The following SLC2A7 variants were observed in gnomAD, a reference collection of about 807,000 sequenced individuals.
SLC2A7 encodes solute carrier family 2 member 7.
In SLC2A7, 50 loss-of-function variants were observed where a neutral mutation model predicts 50.5. The ratio of observed to expected loss-of-function variants is 0.99; its 90% CI spans 0.79 to 1.25. The LOEUF is 1.25. Among genes scored for constraint, SLC2A7 ranks in the 50% most tolerant of loss-of-function variants. The probability of loss-of-function intolerance (pLI) is 0.00; values close to 1 mark genes in which losing one functional copy is unlikely to be tolerated. For synonymous variants in SLC2A7, 308 were observed against 300.4 expected, an observed-to-expected ratio of 1.03 and a Z score of -0.26; for missense variants, 683 against 679.1, an observed-to-expected ratio of 1.01 and a Z score of -0.06.
At chr1:9,012,908 GAC>G (rs1466485024) in intron 8 of SLC2A7, among the ~76,000 whole-genome samples, 2 of 152,088 alleles carry the variant, frequency 1.3e-5, no homozygotes, top group Non-Finnish European at 2.9e-5. Flanking sequence ...TTGTTTTTGA[GAC>G]AGAGTCTCAC....
intron 10 of SLC2A7, among the ~76,000 whole-genome samples, chr1:9,005,781 CAAAAA>C (rs75636224): frequency 2.3e-5 from 1 of 42,634 alleles, no homozygotes; most frequent in African/African-American, 6.9e-5. Flanking sequence ...GACTCCAACT[CAAAAA>C]AAAAAAAAAA....
chr1:9,016,376 A>T lies in SLC2A7; in HGVS notation c.590-1134T>A, dbSNP rs185112885. Reference sequence around the variant, plus strand: ...TCCCTTCACTTTGGGAGGCGGAGGCAGGAGGATTACTTGAGCCCAGGAGTT... The same window carrying T: ...TCCCTTCACTTTGGGAGGCGGAGGCTGGAGGATTACTTGAGCCCAGGAGTT... On this transcript the variant is annotated intron_variant, in intron 5 of 11. Coordinates refer to ENST00000400906, the MANE Select transcript of SLC2A7 (RefSeq NM_207420.3). 2.6e-5 allele frequency among the ~76,000 whole-genome samples: 4 copies of T among 152,312 alleles called. No homozygotes were observed. The East Asian group carries it at 7.7e-4, about 29-fold the overall frequency.
chr1:9,019,416 G>A, intron 3 of SLC2A7, 83 bp from the exon 4 acceptor site: 11 of 1,570,662 alleles, frequency 7.0e-6, no homozygotes, highest in Non-Finnish European at 9.5e-6. Context: ...TCTGCGGGCA[G>A]TCACTACAGA....
chr1:9,025,415 C>T (rs1299266493), intron 1 of SLC2A7, among the ~76,000 whole-genome samples: 1 of 152,178 alleles, frequency 6.6e-6, no homozygotes. Flanking sequence ...GGGGAGCCCA[C>T]CCCGTCCAAG....
In SLC2A7 at chr1:9,026,361, A is replaced by T; in HGVS notation, c.-16T>A. The stretch of plus-strand genomic sequence containing the variant: ...TGTTCTCCATCCTTGTTCAGGTGGG[A>T]GAACAGGTGTGCTCTACCTCCCAAG... On this transcript the variant is annotated 5_prime_UTR_variant, in exon 1 of 12. Transcript: ENST00000400906. The T allele has an allele frequency of 6.3e-7, 1 of 1,597,702 alleles. No individual in the cohort carries two copies. Among genetic ancestry groups the T allele is most frequent in the Non-Finnish European group, 8.5e-7 (1 of 1,171,132 alleles).
At chr1:9,011,569 G>A (rs1328353283) in intron 8 of SLC2A7, among the ~76,000 whole-genome samples, 1 of 151,848 alleles carries the variant, frequency 6.6e-6, no homozygotes. Context: ...TCGACATTGA[G>A]GCCATCTGGA....
chr1:8,992,746 T>C, the SLC2A7 span, among the ~76,000 whole-genome samples: 1 of 152,116 alleles, frequency 6.6e-6, no homozygotes, highest in African/African-American at 2.4e-5. Flanking sequence ...ATCCAGAGTG[T>C]GGCATCAGAA....
chr1:8,994,666 G>C, the SLC2A7 span, among the ~76,000 whole-genome samples: 1 of 152,160 alleles, frequency 6.6e-6, no homozygotes, highest in Non-Finnish European at 1.5e-5. Flanking sequence ...CAACTGCCTA[G>C]GAAAGAAATC....
Position 9,014,855 on chromosome 1 carries a change from C to T in SLC2A7, c.729G>A (p.Leu243=). Residue 243 remains leucine (L), a synonymous_variant, in exon 7 of 12, where the codon CTG becomes CTA. Transcript: ENST00000400906. ...CGGCCTCCATGTCCGTGTGGCCTCT[C>T]AGCCTCCTCAGAGCTGCGGAAAGCA... ...EATARQALRR[L]RGHTDMEAEL... is the part of the protein sequence containing the mutation. The T allele has an allele frequency of 6.2e-7, 1 of 1,601,272 alleles. No individual in the cohort carries two copies. Among genetic ancestry groups the T allele is most frequent in the African/African-American group, 1.3e-5 (1 of 74,814 alleles).
chr1:9,001,162 C>T (rs1640567539), downstream of SLC2A7, among the ~76,000 whole-genome samples: 1 of 152,114 alleles, frequency 6.6e-6, no homozygotes. Flanking sequence ...GTGAGAGGAC[C>T]TCCCGCTGGA....
downstream of SLC2A7, among the ~76,000 whole-genome samples, chr1:9,001,436 T>G (rs555207582): frequency 6.6e-6 from 1 of 151,236 alleles, no homozygotes; most frequent in South Asian, 2.1e-4. Context: ...TTTTTTTTTT[T>G]TTTTAGACAG....
At chr1:9,004,685 G>A (rs564393386) in intron 11 of SLC2A7, 67 bp downstream of exon 11, 8 of 1,576,366 alleles carry the variant, frequency 5.1e-6, no homozygotes, top group South Asian at 2.3e-5. Flanking sequence ...TGTGCTTAGC[G>A]GAAGGGGAAT....
In SLC2A7 at chr1:9,003,405, G is replaced by T. The variant is rs1241220692; in HGVS notation, c.1434C>A (p.Asn478Lys). ...CCCTGTTTCTCTTGGCAAAAATGCG[G>T]TTTATCTCCACAAATGTTTTGCCCT... ...ETKGKTFVEINRIFAKRNRVK... is the reference protein window; with the variant it reads ...ETKGKTFVEIKRIFAKRNRVK... The change falls in exon 12 of 12, where the codon AAC becomes AAA. Residue 478 changes from asparagine (N) to lysine (K), a missense_variant. Asn to Lys is a moderately conservative substitution (Grantham distance 94). Transcript: ENST00000400906. 1.2e-6 allele frequency: 2 copies of T among 1,614,184 alleles called. No individual in the cohort carries two copies. The highest frequency in any genetic ancestry group is 1.7e-6 in the Non-Finnish European group (2 of 1,180,042).
intron 10 of SLC2A7, among the ~76,000 whole-genome samples, chr1:9,006,191 CT>C (rs1010193095): frequency 6.6e-6 from 1 of 152,216 alleles, no homozygotes; most frequent in African/African-American, 2.4e-5. Flanking sequence ...GGCACTTTTC[CT>C]TTGAGGTTCT....
downstream of SLC2A7, among the ~76,000 whole-genome samples, chr1:9,000,416 CA>C (rs988797362): frequency 8.6e-5 from 13 of 151,880 alleles, no homozygotes; most frequent in Non-Finnish European, 1.8e-4. Flanking sequence ...GTTGGGAGTT[CA>C]AAACCAGCCT....
At chr1:9,022,777 T>C in intron 3 of SLC2A7, 141 bp downstream of exon 3, 1 of 1,127,030 alleles carries the variant, frequency 8.9e-7, no homozygotes, top group South Asian at 1.5e-5. Context: ...AAGGTCATGA[T>C]GACTGTGGCC....
At chr1:9,000,745 G>GGTGTGTGT (rs56985979), downstream of SLC2A7, among the ~76,000 whole-genome samples, 2,366 of 142,152 alleles carry the variant, frequency 0.017, 62 homozygotes, top group African/African-American at 0.047. Flanking sequence ...TGACTTTCCT[G>GGTGTGTGT]GTGTGTGTGT....
chr1:8,994,381 C>T, the SLC2A7 span, among the ~76,000 whole-genome samples: 82 of 152,340 alleles, frequency 5.4e-4, 1 homozygote, highest in African/African-American at 8.2e-4. Context: ...CATTTCCAAA[C>T]AATCTCGTAT....
intron 9 of SLC2A7, among the ~76,000 whole-genome samples, 183 bp downstream of exon 9, chr1:9,009,960 G>A (rs182494705): frequency 6.6e-6 from 1 of 152,346 alleles, no homozygotes; most frequent in Admixed American, 6.5e-5. Flanking sequence ...GCAGGTGTAG[G>A]TAAATGAAGC....
Sources: allele counts gnomAD v4.1 joint callset (sites outside exome capture counted in the v4.1 genomes callset), GRCh38; gene constraint gnomAD v4.1.1; transcripts MANE v1.5; gene names NCBI Gene and HGNC (gene_info 2026-07-23, HGNC 2026-07-21).